C8orf34: variants seen among roughly 807,000 people sequenced by gnomAD.
C8orf34 encodes the protein chromosome 8 open reading frame 34, also known as uncharacterized protein C8orf34.
Under a neutral mutation model 68.3 loss-of-function variants are expected in C8orf34, and 65 were observed. That is an observed-to-expected ratio of 0.95 (90% CI 0.78 to 1.17). The LOEUF is 1.17. Ranked by LOEUF, C8orf34 falls within the 50% of genes most tolerant of loss-of-function variation. The pLI, the probability that C8orf34 is intolerant of heterozygous loss-of-function variation, is 0.00. For missense variants in C8orf34, 664 were observed against 655.4 expected (o/e 1.01, Z -0.14); for synonymous variants, 244 against 241.2 (o/e 1.01, Z -0.11).
intron 1 of C8orf34, among the ~76,000 whole-genome samples, chr8:68,407,531 G>A (rs1194096648): frequency 6.6e-6 from 1 of 151,948 alleles, no homozygotes; most frequent in East Asian, 1.9e-4. Flanking sequence ...TTTTGTCTTT[G>A]AACTCACAAC....
intron 10 of C8orf34, among the ~76,000 whole-genome samples, chr8:68,729,892 A>G (rs1016267716): frequency 6.6e-6 from 1 of 152,168 alleles, no homozygotes; most frequent in Non-Finnish European, 1.5e-5. Context: ...AATGTTTCCA[A>G]TAAAACATGT....
intron 8 of C8orf34, among the ~76,000 whole-genome samples, chr8:68,699,394 T>C (rs7016101): frequency 0.3 from 45,586 of 151,982 alleles, 7,878 homozygotes; most frequent in East Asian, 0.54. Context: ...TCAGATATTC[T>C]GTTTGGCTGC....
At chr8:68,779,021 C>G (rs532181198) in intron 11 of C8orf34, among the ~76,000 whole-genome samples, 24 of 151,750 alleles carry the variant, frequency 1.6e-4, no homozygotes, top group African/African-American at 5.8e-4. Flanking sequence ...TACAAAAAAT[C>G]AAAAAATTAG....
intron 7 of C8orf34, among the ~76,000 whole-genome samples, chr8:68,597,108 T>C (rs1817567082): frequency 6.6e-6 from 1 of 152,112 alleles, no homozygotes; most frequent in Non-Finnish European, 1.5e-5. Context: ...AACATTTGCA[T>C]GTTCAAAGCC....
intron 7 of C8orf34, chr8:68,535,515 G>A: frequency 2.1e-6 from 2 of 943,134 alleles, no homozygotes; most frequent in Non-Finnish European, 2.5e-6. Context: ...GATTTGAAGG[G>A]AAAAAATCCT....
intron 8 of C8orf34, among the ~76,000 whole-genome samples, chr8:68,685,992 G>A (rs1054043612): frequency 6.6e-6 from 1 of 151,896 alleles, no homozygotes; most frequent in African/African-American, 2.4e-5. Context: ...GATCATTCGA[G>A]ACTACTATGA....
At chr8:68,424,504 T>C (rs527547520) in intron 1 of C8orf34, among the ~76,000 whole-genome samples, 1 of 152,238 alleles carries the variant, frequency 6.6e-6, no homozygotes, top group East Asian at 1.9e-4. Context: ...CAAGAAGAAT[T>C]GGATGTTGAA....
intron 8 of C8orf34, among the ~76,000 whole-genome samples, chr8:68,652,389 TG>T (rs982411602): frequency 9.8e-5 from 15 of 152,342 alleles, no homozygotes; most frequent in Admixed American, 9.1e-4. Flanking sequence ...TGGTGTCTTT[TG>T]AAGCACAAAG....
intron 12 of C8orf34, among the ~76,000 whole-genome samples, 158 bp from the exon 13 acceptor site, chr8:68,815,728 T>G (rs1042694019): frequency 6.6e-6 from 1 of 152,192 alleles, no homozygotes; most frequent in Non-Finnish European, 1.5e-5. Flanking sequence ...TCTAAGGAGT[T>G]AAAATACAGA....
At chr8:68,690,077 TATG>T (rs1382029772) in intron 8 of C8orf34, among the ~76,000 whole-genome samples, 2 of 152,052 alleles carry the variant, frequency 1.3e-5, no homozygotes, top group Admixed American at 6.6e-5. Context: ...AAAGGACTGA[TATG>T]GTGGGGTCAG....
intron 1 of C8orf34, among the ~76,000 whole-genome samples, chr8:68,426,926 A>G (rs765078056): frequency 2.6e-5 from 4 of 152,168 alleles, no homozygotes; most frequent in Non-Finnish European, 5.9e-5. Context: ...GAAAATAGAC[A>G]AAGTAAGTAT....
At chr8:68,777,544 C>T (rs7464209) in intron 11 of C8orf34, among the ~76,000 whole-genome samples, 73,552 of 151,664 alleles carry the variant, frequency 0.48, 20,307 homozygotes, top group African/African-American at 0.76. Context: ...GACTGTGGTC[C>T]TCTGACTACA....
chr8:68,467,438 T>C (rs1001713145), intron 3 of C8orf34, among the ~76,000 whole-genome samples: 4 of 149,776 alleles, frequency 2.7e-5, no homozygotes, highest in Non-Finnish European at 4.5e-5. Context: ...ATTTTATAGT[T>C]ATCCTTTATT....
rs966228039 is a variant in C8orf34, at chr8:68,615,581, A to C, written c.1106-24795A>C. On this transcript the variant is annotated intron_variant, in intron 7 of 13. Coordinates refer to ENST00000518698, the MANE Select transcript of C8orf34 (RefSeq NM_052958.4). ...TTTTGACTTTGGTTCTGTTTATATG[A>C]TGGATTACATTTATTGATTTGCGTA... Among the ~76,000 whole-genome samples, 53 of 152,072 alleles carry C rather than the reference A, an allele frequency of 3.5e-4. 1 individual carries two copies. Among genetic ancestry groups the C allele is most frequent in the African/African-American group, 9.2e-4 (38 of 41,414 alleles).
At chr8:68,505,991 C>G (rs1018865704) in intron 5 of C8orf34, among the ~76,000 whole-genome samples, 23 of 152,088 alleles carry the variant, frequency 1.5e-4, no homozygotes, top group Non-Finnish European at 2.8e-4. Context: ...AAAAATAACT[C>G]ATCAGTGAAA....
intron 5 of C8orf34, among the ~76,000 whole-genome samples, chr8:68,512,431 G>A (rs1288797807): frequency 3.3e-5 from 5 of 152,102 alleles, no homozygotes; most frequent in Admixed American, 2.6e-4. Context: ...CAAAAAGCCA[G>A]GTGTCAGGGA....
chr8:68,480,252 C>T (rs955709699), intron 4 of C8orf34, among the ~76,000 whole-genome samples: 1 of 152,140 alleles, frequency 6.6e-6, no homozygotes, highest in African/African-American at 2.4e-5. Context: ...TCAGGGGGTT[C>T]TGCTTTTGGT....
intron 3 of C8orf34, among the ~76,000 whole-genome samples, chr8:68,449,656 T>C (rs1240001507): frequency 6.6e-6 from 1 of 152,152 alleles, no homozygotes; most frequent in Non-Finnish European, 1.5e-5. Flanking sequence ...AACAACATTA[T>C]GTATAAGAAA....
intron 4 of C8orf34, among the ~76,000 whole-genome samples, chr8:68,484,146 G>A (rs1337349085): frequency 2.6e-5 from 4 of 152,308 alleles, no homozygotes; most frequent in South Asian, 2.1e-4. Flanking sequence ...GTCAAATGGC[G>A]AAAGCAAAAG....
Sources: allele counts gnomAD v4.1 joint callset (sites outside exome capture counted in the v4.1 genomes callset), GRCh38; gene constraint gnomAD v4.1.1; transcripts MANE v1.5; gene names NCBI Gene and HGNC (gene_info 2026-07-23, HGNC 2026-07-21).